The following TSPAN10 variants were observed in gnomAD, a reference collection of about 807,000 sequenced individuals.
TSPAN10 encodes the protein tetraspanin 10.
In TSPAN10, 11 loss-of-function variants were observed where a neutral mutation model predicts 15.0. The ratio of observed to expected loss-of-function variants is 0.73; its 90% confidence interval spans 0.46 to 1.21. The LOEUF (loss-of-function observed/expected upper bound fraction) is 1.21, where lower values mean the gene tolerates loss of function less well. TSPAN10 is among the 50% of genes most tolerant of loss of function. TSPAN10 has a pLI of 0.00. For missense variants in TSPAN10, 486 were observed against 470.6 expected, an observed-to-expected ratio of 1.03 and a Z score of -0.30; for synonymous variants, 241 against 226.2, an observed-to-expected ratio of 1.07 and a Z score of -0.59.
chr17:81,641,199 C>G (rs1445524332), upstream of TSPAN10, among the ~76,000 whole-genome samples: 1 of 152,032 alleles, frequency 6.6e-6, no homozygotes, highest in African/African-American at 2.4e-5. Context: ...TTAGAACAGA[C>G]TGAGTTGGAG....
At chr17:81,644,698 C>A (rs1458334185) in intron 1 of TSPAN10, among the ~76,000 whole-genome samples, 1 of 152,232 alleles carries the variant, frequency 6.6e-6, no homozygotes, top group African/African-American at 2.4e-5. Flanking sequence ...CTGAGCACCG[C>A]CCTGCTTGGT....
rs1434543156 is a variant in TSPAN10 at position 81,644,976 on chromosome 17, C to A, written c.37-16C>A. On this transcript the variant is annotated splice_polypyrimidine_tract_variant and intron_variant, in intron 1 of 2. Coordinates refer to ENST00000611590, the Ensembl canonical transcript of TSPAN10. ...TGGGTGAATGCGGTCTCACCCTGTTCCTCTTCCCTCTGCAGGAAACTGCAG... is the reference window on the plus strand; with the variant it reads ...TGGGTGAATGCGGTCTCACCCTGTTACTCTTCCCTCTGCAGGAAACTGCAG... The A allele has an allele frequency of 5.0e-6, 8 of 1,609,276 alleles. No individual in the cohort carries two copies. In the East Asian group the frequency reaches 1.8e-4, roughly 36 times the overall value.
chr17:81,647,923 G>C (rs747673205), exon 3 of TSPAN10: 1 of 1,606,368 alleles, frequency 6.2e-7, no homozygotes, highest in East Asian at 2.2e-5. Context: ...CAGCTCCCCC[G>C]GGGTGCAGGC....
chr17:81,641,010 T>C (rs919423951), upstream of TSPAN10, among the ~76,000 whole-genome samples: 17 of 151,822 alleles, frequency 1.1e-4, no homozygotes, highest in Non-Finnish European at 2.4e-4. Context: ...CCATCTCTAC[T>C]AAAAATACAA....
chr17:81,644,834 C>T (rs1305296427), intron 1 of TSPAN10, among the ~76,000 whole-genome samples, 158 bp from the exon 3 acceptor site: 1 of 152,254 alleles, frequency 6.6e-6, no homozygotes, highest in Non-Finnish European at 1.5e-5. Context: ...GCCCCCTGCC[C>T]CTGGCTGTCC....
exon 2 of TSPAN10, chr17:81,645,429 T>G (rs774933128): frequency 1.2e-6 from 2 of 1,602,850 alleles, no homozygotes; most frequent in South Asian, 1.1e-5. Flanking sequence ...GGGGCATCCT[T>G]GCCTTCCTGG....
At chr17:81,648,436 C>G (rs2144389493), downstream of TSPAN10, 1 of 783,760 alleles carries the variant, frequency 1.3e-6, no homozygotes, top group Admixed American at 4.7e-5. Flanking sequence ...CTACCCAGCT[C>G]GCTCACTTCG....
At chr17:81,642,440 C>T (rs1473844155) in exon 1 of TSPAN10, 3 of 1,610,524 alleles carry the variant, frequency 1.9e-6, no homozygotes, top group South Asian at 1.1e-5. Flanking sequence ...GAGCCCCTTA[C>T]TGTCCCAGGT....
At chr17:81,637,209 C>T (rs1598705821) in exon 1 of TSPAN10, 2 of 472,070 alleles carry the variant, frequency 4.2e-6, no homozygotes, top group Non-Finnish European at 7.6e-6. Flanking sequence ...CCCGCCATCC[C>T]TGCAACTGGA....
rs1434274736 is a variant in TSPAN10 at position 81,645,086 on chromosome 17, GC to G, written c.132del (p.Cys45AlafsTer13). 1.9e-6 allele frequency: 3 copies of G among 1,592,284 alleles called. No homozygotes were observed. The highest frequency in any genetic ancestry group is 2.6e-6 in the Non-Finnish European group (3 of 1,174,344). On this transcript the variant is annotated frameshift_variant, in exon 2 of 3. Coordinates refer to ENST00000611590, the Ensembl canonical transcript of TSPAN10. LOFTEE classifies it high-confidence loss of function. The stretch of plus-strand genomic sequence containing the variant: ...AGGGAGGACCAGGCGGAGGCCTGGG[GC>G]TGCAGCTGCTGTCCCCCGGAGACCA...
At chr17:81,642,542 C>G (rs1261664816) in intron 1 of TSPAN10, 94 bp downstream of exon 2, 5 of 1,327,490 alleles carry the variant, frequency 3.8e-6, no homozygotes, top group African/African-American at 2.9e-5. Flanking sequence ...ACACCCACCC[C>G]TGCCCCTGGT....
chr17:81,639,578 GTTTTC>G (rs1221372520), upstream of TSPAN10, among the ~76,000 whole-genome samples: 9 of 151,388 alleles, frequency 5.9e-5, no homozygotes, highest in Middle Eastern at 6.8e-3. Flanking sequence ...TTTCTCCTTT[GTTTTC>G]TTCTTTTTTT....
upstream of TSPAN10, among the ~76,000 whole-genome samples, chr17:81,640,049 C>T (rs1168169354): frequency 6.6e-6 from 1 of 152,100 alleles, no homozygotes; most frequent in African/African-American, 2.4e-5. Flanking sequence ...GTGGCACAAT[C>T]GTGGCTCACT....
At chr17:81,645,743 A>G in intron 2 of TSPAN10, 114 bp downstream of exon 3, 1 of 1,315,124 alleles carries the variant, frequency 7.6e-7, no homozygotes, top group Non-Finnish European at 1.1e-6. Context: ...GCATGCCCAC[A>G]TGCATGCACA....
exon 3 of TSPAN10, chr17:81,648,104 C>T: frequency 2.5e-6 from 4 of 1,573,498 alleles, no homozygotes; most frequent in Non-Finnish European, 3.4e-6. Context: ...AACCTGGCTG[C>T]CTCGGGCGGC....
At chr17:81,642,485 G>A (rs2036188059) in intron 1 of TSPAN10, 37 bp downstream of exon 2, 2 of 1,587,486 alleles carry the variant, frequency 1.3e-6, no homozygotes, top group Admixed American at 1.7e-5. Context: ...TGAGGTTGGA[G>A]ATGTCCCCAG....
intron 1 of TSPAN10, among the ~76,000 whole-genome samples, chr17:81,644,210 G>A (rs867069557): frequency 3.7e-4 from 57 of 152,008 alleles, no homozygotes; most frequent in African/African-American, 1.3e-3. Flanking sequence ...GGGCACCTGC[G>A]GGGCTGCCTC....
intron 1 of TSPAN10, 80 bp downstream of exon 2, chr17:81,642,528 G>T: frequency 6.9e-7 from 1 of 1,443,390 alleles, no homozygotes; most frequent in Non-Finnish European, 9.5e-7. Flanking sequence ...CCTGGGCTGG[G>T]TTCACACCCA....
At chr17:81,645,154 C>A in exon 2 of TSPAN10, 1 of 1,563,902 alleles carries the variant, frequency 6.4e-7, no homozygotes. Flanking sequence ...AGGACCAGCC[C>A]CTTCCCTCTC....
Sources: gnomAD v4.1 joint callset for allele counts (sites outside exome capture counted in the v4.1 genomes callset) on GRCh38, gnomAD v4.1.1 for gene constraint, MANE v1.5 for transcripts, NCBI Gene and HGNC (gene_info 2026-07-23, HGNC 2026-07-21) for gene names.